Variants in ATOH1 observed in about 807,000 individuals in gnomAD.
The protein encoded by ATOH1 is atonal bHLH transcription factor 1.
A neutral mutation model predicts 20.7 loss-of-function variants in ATOH1; 9 were observed. The observed-to-expected ratio is 0.44, with a 90% confidence interval of 0.26 to 0.76. The LOEUF is 0.76. ATOH1 is among the 30% of genes least tolerant of loss of function. The probability of loss-of-function intolerance (pLI) is 0.20; values close to 1 mark genes in which losing one functional copy is unlikely to be tolerated. For missense variants in ATOH1, 516 were observed against 479.3 expected (o/e 1.08, Z -0.71); for synonymous variants, 247 against 214.3 (o/e 1.15, Z -1.33).
rs769686707 is a variant in ATOH1 at position 93,829,179 on chromosome 4, C to T, written c.253C>T (p.Pro85Ser). The change falls in exon 1 of 1, where the codon CCG becomes TCG. Residue 85 changes from proline to serine, a missense_variant. Physicochemically the swap from Pro to Ser is moderately conservative, Grantham distance 74. Coordinates refer to ENST00000306011, the MANE Select transcript of ATOH1 (RefSeq NM_005172.2). This position sits in a 1 kb window ranked among gnomAD's most constrained non-coding sequence, Gnocchi z 4.5. ...CGCCGCCCAGTATTTGCTACATTCC[C>T]CGGAGCTGGGTGCCTCAGAGGCCGC... ...ARAAQYLLHS[P>S]ELGASEAAAP... 4.4e-6 allele frequency: 7 copies of T among 1,587,914 alleles called. No individual in the cohort carries two copies. The South Asian group carries it at 6.9e-5, about 16-fold the overall frequency.
At position 93,829,903 on chromosome 4, in the gene ATOH1, A is replaced by C; in HGVS notation, c.977A>C (p.Glu326Ala). The part of the protein sequence containing the change: ...PGSILQPVQE[E>A]NSKTSPRSHR... Reference sequence around the variant, plus strand: ...AGCATCTTGCAGCCAGTGCAGGAGGAAAACAGCAAAACTTCGCCTCGGTCC... The same window carrying C: ...AGCATCTTGCAGCCAGTGCAGGAGGCAAACAGCAAAACTTCGCCTCGGTCC... The change falls in exon 1 of 1, where the codon GAA (glutamate) becomes GCA (alanine). Residue 326 changes from glutamate to alanine, a missense_variant. Physicochemically the swap from Glu to Ala is moderately radical, Grantham distance 107. Transcript: ENST00000306011. The surrounding 1 kb of genome is among the most constrained non-coding windows in gnomAD (Gnocchi z 4.5). The C allele has an allele frequency of 6.2e-7, 1 of 1,614,096 alleles. No individual in the cohort carries two copies. The highest frequency in any genetic ancestry group is 8.5e-7 in the Non-Finnish European group (1 of 1,180,010).
Position 93,828,988 on chromosome 4 carries a change from G to A in ATOH1, c.62G>A (p.Arg21His). 6.2e-7 allele frequency: 1 copy of A among 1,612,908 alleles called. No individual in the cohort carries two copies. Among genetic ancestry groups the A allele is most frequent in the Non-Finnish European group, 8.5e-7 (1 of 1,179,498 alleles). ...AEVKELGDHH[R>H]QPQPHHLPQP... ...GTGAAGGAGTTGGGAGACCACCATC[G>A]CCAGCCCCAGCCGCATCATCTCCCG... Residue 21 changes from arginine (R) to histidine (H), a missense_variant, in exon 1 of 1, where the codon CGC becomes CAC. Transcript: ENST00000306011.
Position 93,829,712 on chromosome 4 carries a change from G to C in ATOH1, c.786G>C (p.Gly262=). The change falls in exon 1 of 1, where the codon GGG becomes GGC. Residue 262 remains glycine, a synonymous_variant. Transcript: ENST00000306011. The surrounding 1 kb of genome is among the most constrained non-coding windows in gnomAD (Gnocchi z 4.5). ...CTGGGGCTCAGCAGGCTTCCGGAGGGAGCCAGCGGCCGACCCCGCCCGGGA... is the reference window on the plus strand; with the variant it reads ...CTGGGGCTCAGCAGGCTTCCGGAGGCAGCCAGCGGCCGACCCCGCCCGGGA... ...TAAGAQQASG[G]SQRPTPPGSC... is the part of the protein sequence containing the mutation. The C allele has an allele frequency of 6.4e-7, 1 of 1,571,310 alleles. No homozygotes were observed. The highest frequency in any genetic ancestry group is 8.6e-7 in the Non-Finnish European group (1 of 1,160,460).
chr4:93,828,876 T>TGGTGTCCCA lies in ATOH1; in HGVS notation c.-49_-41dup. ...GAAAGGGCCTTTTTTTTGGTTGAGC[T>TGGTGTCCCA]GGTGTCCCAGTGCTGCCTCCGATCC... is the stretch of plus-strand genomic sequence containing the variant. On this transcript the variant is annotated 5_prime_UTR_variant, in exon 1 of 1. Coordinates refer to ENST00000306011, the MANE Select transcript of ATOH1 (RefSeq NM_005172.2). 1 of 1,507,572 alleles carries TGGTGTCCCA rather than the reference T, an allele frequency of 6.6e-7. No homozygotes were observed. The highest frequency in any genetic ancestry group is 2.3e-5 in the East Asian group (1 of 43,540). The allele number at this position is 1,507,572 out of a possible 1,614,324, so 93.4% of individuals were successfully genotyped here. A position where few individuals can be genotyped will look rare whatever the true frequency, so the allele number is the denominator to read the frequency against.
rs1358152441 is a variant in ATOH1 at position 93,829,493 on chromosome 4, C to G, written c.567C>G (p.Phe189Leu). The change falls in exon 1 of 1, where the codon TTC (phenylalanine) becomes TTG (leucine). Residue 189 changes from phenylalanine (F) to leucine (L), a missense_variant. Transcript: ENST00000306011. This position sits in a 1 kb window ranked among gnomAD's most constrained non-coding sequence, Gnocchi z 4.5. ...AGCTGCGCAATGTTATCCCGTCGTT[C>G]AACAACGACAAGAAGCTGTCCAAAT... Reference protein sequence around the residue: ...FDQLRNVIPSFNNDKKLSKYE... With the variant: ...FDQLRNVIPSLNNDKKLSKYE... The G allele has an allele frequency of 1.9e-6, 3 of 1,614,138 alleles. No individual in the cohort carries two copies. Among genetic ancestry groups the G allele is most frequent in the Non-Finnish European group, 1.7e-6 (2 of 1,180,052 alleles).
At position 93,830,143 on chromosome 4, in the gene ATOH1, A is replaced by G; in HGVS notation, c.*152A>G. ...CGACTTGGCTTCAGATGGCAGCTAC[A>G]TTTGATGGTTTGCAAATGCCGCCGC... On this transcript the variant is annotated 3_prime_UTR_variant, in exon 1 of 1. Transcript: ENST00000306011. 7.1e-7 allele frequency: 1 copy of G among 1,404,040 alleles called. No individual in the cohort carries two copies. The allele number at this position is 1,404,040 out of a possible 1,614,324, so 87.0% of individuals were successfully genotyped here.
Position 93,828,983 on chromosome 4 carries a change from C to T in ATOH1, c.57C>T (p.His19=). 20 of 1,612,632 alleles carry T rather than the reference C, an allele frequency of 1.2e-5. No homozygotes were observed. The highest frequency in any genetic ancestry group is 1.7e-5 in the Non-Finnish European group (20 of 1,179,308). The change falls in exon 1 of 1, where the codon CAC becomes CAT. Residue 19 remains histidine (H), a synonymous_variant. Coordinates refer to ENST00000306011, the MANE Select transcript of ATOH1 (RefSeq NM_005172.2). ...CTGAAGTGAAGGAGTTGGGAGACCA[C>T]CATCGCCAGCCCCAGCCGCATCATC... The part of the protein sequence containing the change: ...EWAEVKELGD[H]HRQPQPHHLP...
chr4:93,828,847 C>G lies in ATOH1; in HGVS notation c.-80C>G. 6.9e-7 allele frequency: 1 copy of G among 1,446,498 alleles called. No individual in the cohort carries two copies. The highest frequency in any genetic ancestry group is 9.2e-7 in the Non-Finnish European group (1 of 1,089,388). The allele number at this position is 1,446,498 out of a possible 1,614,324, so 89.6% of individuals were successfully genotyped here. A position where few individuals can be genotyped will look rare whatever the true frequency, so the allele number is the denominator to read the frequency against. On this transcript the variant is annotated 5_prime_UTR_variant, in exon 1 of 1. Coordinates refer to ENST00000306011, the MANE Select transcript of ATOH1 (RefSeq NM_005172.2). ...AAAAAATAAGACGTTGCAGAAGAGA[C>G]CCGGAAAGGGCCTTTTTTTTGGTTG...
Position 93,829,467 on chromosome 4 carries a change from C to A in ATOH1, c.541C>A (p.Gln181Lys), listed in dbSNP as rs772384185. ...RMHGLNHAFD[Q>K]LRNVIPSFNN... ...GCATGGGCTGAACCACGCCTTCGACCAGCTGCGCAATGTTATCCCGTCGTT... is the reference window on the plus strand; with the variant it reads ...GCATGGGCTGAACCACGCCTTCGACAAGCTGCGCAATGTTATCCCGTCGTT... Residue 181 changes from glutamine to lysine, a missense_variant, in exon 1 of 1, where the codon CAG (glutamine) becomes AAG (lysine). Gln to Lys is a moderately conservative substitution (Grantham distance 53). Transcript: ENST00000306011. This position sits in a 1 kb window ranked among gnomAD's most constrained non-coding sequence, Gnocchi z 4.5. 6.2e-7 allele frequency: 1 copy of A among 1,614,266 alleles called. No homozygotes were observed. The highest frequency in any genetic ancestry group is 2.2e-5 in the East Asian group (1 of 44,876).
chr4:93,829,055 G>C lies in ATOH1; in HGVS notation c.129G>C (p.Ala43=). 6.2e-7 allele frequency: 1 copy of C among 1,613,836 alleles called. No homozygotes were observed. The highest frequency in any genetic ancestry group is 8.5e-7 in the Non-Finnish European group (1 of 1,179,974). The change falls in exon 1 of 1, where the codon GCG becomes GCC. Residue 43 remains alanine, a synonymous_variant. Coordinates refer to ENST00000306011, the MANE Select transcript of ATOH1 (RefSeq NM_005172.2). This position sits in a 1 kb window ranked among gnomAD's most constrained non-coding sequence, Gnocchi z 4.5. The part of the protein sequence containing the change: ...PPPQPPATLQ[A]REHPVYPPEL... ...CGCAGCCACCTGCAACTTTGCAGGC[G>C]AGAGAGCATCCCGTCTACCCGCCTG... is the stretch of plus-strand genomic sequence containing the variant.
At position 93,829,113 on chromosome 4, in the gene ATOH1, G is replaced by A; in HGVS notation, c.187G>A (p.Ala63Thr). The change falls in exon 1 of 1, where the codon GCC (alanine) becomes ACC (threonine). Residue 63 changes from alanine to threonine, a missense_variant. Coordinates refer to ENST00000306011, the MANE Select transcript of ATOH1 (RefSeq NM_005172.2). This position sits in a 1 kb window ranked among gnomAD's most constrained non-coding sequence, Gnocchi z 4.5. ...CCTCCTGGACAGCACCGACCCACGC[G>A]CCTGGCTGGCTCCCACTTTGCAGGG... ...LSLLDSTDPRAWLAPTLQGIC... is the reference protein window; with the variant it reads ...LSLLDSTDPRTWLAPTLQGIC... 1 of 1,609,558 alleles carries A rather than the reference G, an allele frequency of 6.2e-7. No individual in the cohort carries two copies. Among genetic ancestry groups the A allele is most frequent in the South Asian group, 1.1e-5 (1 of 90,750 alleles).
In ATOH1 at chr4:93,828,855, G is replaced by A. The variant is rs1735384351; in HGVS notation, c.-72G>A. 5 of 1,470,222 alleles carry A rather than the reference G, an allele frequency of 3.4e-6. No homozygotes were observed. Among genetic ancestry groups the A allele is most frequent in the Non-Finnish European group, 4.5e-6 (5 of 1,106,242 alleles). 91.1% of individuals were successfully genotyped at this position (1,470,222 alleles called of 1,614,324 possible). The stretch of plus-strand genomic sequence containing the variant: ...AGACGTTGCAGAAGAGACCCGGAAA[G>A]GGCCTTTTTTTTGGTTGAGCTGGTG... On this transcript the variant is annotated 5_prime_UTR_variant, in exon 1 of 1. Transcript: ENST00000306011.
rs892241315 is a variant in ATOH1, at chr4:93,829,923, C to T, written c.997C>T (p.Arg333Trp). The T allele has an allele frequency of 2.5e-6, 4 of 1,613,890 alleles. No individual in the cohort carries two copies. The African/African-American group carries it at 4.0e-5, about 16-fold the overall frequency. The part of the protein sequence containing the change: ...VQEENSKTSP[R>W]SHRSDGEFSP... ...GGAGGAAAACAGCAAAACTTCGCCT[C>T]GGTCCCACAGAAGCGACGGGGAATT... The change falls in exon 1 of 1, where the codon CGG (arginine) becomes TGG (tryptophan). Residue 333 changes from arginine (R) to tryptophan (W), a missense_variant. Physicochemically the swap from Arg to Trp is moderately radical, Grantham distance 101. Coordinates refer to ENST00000306011, the MANE Select transcript of ATOH1 (RefSeq NM_005172.2). This position sits in a 1 kb window ranked among gnomAD's most constrained non-coding sequence, Gnocchi z 4.5.
Position 93,829,995 on chromosome 4 carries a change from G to A in ATOH1, c.*4G>A, listed in dbSNP as rs762550204. ...TGACTCGGATGAGGCAAGTTAGGAA[G>A]GTGACAGAAGCCTGAAAACTGAGAC... On this transcript the variant is annotated 3_prime_UTR_variant, in exon 1 of 1. Coordinates refer to ENST00000306011, the MANE Select transcript of ATOH1 (RefSeq NM_005172.2). The surrounding 1 kb of genome is among the most constrained non-coding windows in gnomAD (Gnocchi z 4.5). 3 of 1,568,538 alleles carry A rather than the reference G, an allele frequency of 1.9e-6. No homozygotes were observed. In the Admixed American group the frequency reaches 5.8e-5, roughly 30 times the overall value.
chr4:93,829,950 T>TC lies in ATOH1; in HGVS notation c.1030dup (p.His344ProfsTer6). ...GTCCCACAGAAGCGACGGGGAATTTTCCCCCCATTCCCATTACAGTGACTC... is the reference window on the plus strand; with the variant it reads ...GTCCCACAGAAGCGACGGGGAATTTTCCCCCCCATTCCCATTACAGTGACTC... On this transcript the variant is annotated frameshift_variant, in exon 1 of 1. Transcript: ENST00000306011. LOFTEE classifies it high-confidence loss of function. This position sits in a 1 kb window ranked among gnomAD's most constrained non-coding sequence, Gnocchi z 4.5. 6.2e-7 allele frequency: 1 copy of TC among 1,611,124 alleles called. No individual in the cohort carries two copies.
In ATOH1 at chr4:93,829,788, C is replaced by A; in HGVS notation, c.862C>A (p.Gln288Lys). 1.9e-6 allele frequency: 3 copies of A among 1,611,978 alleles called. No homozygotes were observed. Among genetic ancestry groups the A allele is most frequent in the Non-Finnish European group, 2.5e-6 (3 of 1,179,026 alleles). ...APASAGGYSV[Q>K]LDALHFSTFE... ...AGCTTCTGCGGGAGGGTACTCGGTGCAGCTGGACGCTCTGCACTTCTCGAC... is the reference window on the plus strand; with the variant it reads ...AGCTTCTGCGGGAGGGTACTCGGTGAAGCTGGACGCTCTGCACTTCTCGAC... The change falls in exon 1 of 1, where the codon CAG becomes AAG. Residue 288 changes from glutamine to lysine, a missense_variant. By Grantham distance (53) the Gln-to-Lys change is moderately conservative. Coordinates refer to ENST00000306011, the MANE Select transcript of ATOH1 (RefSeq NM_005172.2). The surrounding 1 kb of genome is among the most constrained non-coding windows in gnomAD (Gnocchi z 4.5).
rs761125136 is a variant in ATOH1, at chr4:93,829,598, A to C, written c.672A>C (p.Pro224=). The C allele has an allele frequency of 4.3e-6, 7 of 1,613,400 alleles. No individual in the cohort carries two copies. Among genetic ancestry groups the C allele is most frequent in the Non-Finnish European group, 5.9e-6 (7 of 1,179,788 alleles). The change falls in exon 1 of 1, where the codon CCA becomes CCC. Residue 224 remains proline (P), a synonymous_variant. Coordinates refer to ENST00000306011, the MANE Select transcript of ATOH1 (RefSeq NM_005172.2). The surrounding 1 kb of genome is among the most constrained non-coding windows in gnomAD (Gnocchi z 4.5). ...LLQTPSGGEQ[P]PPPPASCKSD... ...AAACGCCCAGCGGAGGGGAACAGCC[A>C]CCGCCGCCTCCAGCCTCCTGCAAAA...
In ATOH1 at chr4:93,830,262, A is replaced by C; in HGVS notation, c.*271A>C. ...CACCTTCTGCTCCCCCTTTAGATAG[A>C]TACGGTATAATTGTAGGTACCCGTA... On this transcript the variant is annotated 3_prime_UTR_variant, in exon 1 of 1. Coordinates refer to ENST00000306011, the MANE Select transcript of ATOH1 (RefSeq NM_005172.2). 1 of 496,686 alleles carries C rather than the reference A, an allele frequency of 2.0e-6. No individual in the cohort carries two copies. The highest frequency in any genetic ancestry group is 3.3e-6 in the Non-Finnish European group (1 of 302,940). 30.8% of individuals were successfully genotyped at this position (496,686 alleles called of 1,614,324 possible). A position where few individuals can be genotyped will look rare whatever the true frequency, so the allele number is the denominator to read the frequency against.
Position 93,829,031 on chromosome 4 carries a change from G to A in ATOH1, c.105G>A (p.Pro35=). The A allele has an allele frequency of 9.9e-6, 16 of 1,613,712 alleles. No homozygotes were observed. The highest frequency in any genetic ancestry group is 1.3e-5 in the Non-Finnish European group (15 of 1,179,918). The part of the protein sequence containing the change: ...PHHLPQPPPP[P]QPPATLQARE... ...ATCTCCCGCAACCGCCGCCGCCGCCGCAGCCACCTGCAACTTTGCAGGCGA... is the reference window on the plus strand; with the variant it reads ...ATCTCCCGCAACCGCCGCCGCCGCCACAGCCACCTGCAACTTTGCAGGCGA... The change falls in exon 1 of 1, where the codon CCG becomes CCA. Residue 35 remains proline (P), a synonymous_variant. Coordinates refer to ENST00000306011, the MANE Select transcript of ATOH1 (RefSeq NM_005172.2). The surrounding 1 kb of genome is among the most constrained non-coding windows in gnomAD (Gnocchi z 4.5).
Sources: allele counts gnomAD v4.1 joint callset, GRCh38; gene constraint gnomAD v4.1.1; non-coding constraint Gnocchi (gnomAD v3.1); transcripts MANE v1.5; gene names NCBI Gene and HGNC (gene_info 2026-07-23, HGNC 2026-07-21).